EYA4: variants seen among roughly 807,000 people sequenced by gnomAD.
EYA4 encodes protein phosphatase EYA4.
Under a neutral mutation model 87.9 loss-of-function variants are expected in EYA4, and 31 were observed. The ratio of observed to expected loss-of-function variants is 0.35; its 90% CI spans 0.27 to 0.48. The LOEUF (loss-of-function observed/expected upper bound fraction) is 0.48, where lower values mean the gene tolerates loss of function less well. EYA4 is among the 20% of genes least tolerant of loss of function. EYA4 has a pLI of 0.99. For synonymous variants in EYA4, 263 were observed against 270.6 expected, an observed-to-expected ratio of 0.97 and a Z score of 0.28; for missense variants, 678 against 761.4, an observed-to-expected ratio of 0.89 and a Z score of 1.29.
chr6:133,380,736 T>G (rs754289570), intron 2 of EYA4, among the ~76,000 whole-genome samples: 5 of 152,154 alleles, frequency 3.3e-5, no homozygotes, highest in Non-Finnish European at 5.9e-5. Context: ...TTAATGGACA[T>G]AAGACTTGTG....
chr6:133,490,212 C>A (rs1331818553), intron 13 of EYA4, among the ~76,000 whole-genome samples: 1 of 151,678 alleles, frequency 6.6e-6, no homozygotes, highest in African/African-American at 2.4e-5. Context: ...AACATACCAA[C>A]AAATAAGTCA....
At chr6:133,367,829 T>C (rs1583077624) in intron 2 of EYA4, among the ~76,000 whole-genome samples, 1 of 152,218 alleles carries the variant, frequency 6.6e-6, no homozygotes, top group East Asian at 1.9e-4. Flanking sequence ...GAATGATTGC[T>C]ATGTGCTTGG....
chr6:133,292,270 T>C (rs211437), intron 2 of EYA4, among the ~76,000 whole-genome samples: 6,028 of 152,300 alleles, frequency 0.04, 190 homozygotes, highest in Non-Finnish European at 0.06. Context: ...TGCATACTTA[T>C]TTTAGAATGT....
rs2128817707 is a variant in EYA4, at chr6:133,525,271, A to G, written c.1839+17A>G. 2 of 1,598,334 alleles carry G rather than the reference A, an allele frequency of 1.3e-6. No homozygotes were observed. Among genetic ancestry groups the G allele is most frequent in the South Asian group, 1.1e-5 (1 of 90,734 alleles). ...GCAAAAAAGGTAACCTGTCTCAAAC[A>G]ATGTCGGTGTGATACTTCTAATGCA... On this transcript the variant is annotated intron_variant, in intron 19 of 19. Transcript: ENST00000355286.
intron 3 of EYA4, among the ~76,000 whole-genome samples, chr6:133,444,265 A>G (rs761942742): frequency 5.9e-5 from 9 of 151,536 alleles, no homozygotes; most frequent in Non-Finnish European, 1.3e-4. Context: ...GTTTTTCATC[A>G]TTTTCCAATT....
chr6:133,519,283 A>T (rs1314468691), intron 17 of EYA4, among the ~76,000 whole-genome samples: 2 of 151,820 alleles, frequency 1.3e-5, no homozygotes, highest in Non-Finnish European at 2.9e-5. Context: ...GAGAAGAATC[A>T]AATAGACGCA....
intron 3 of EYA4, among the ~76,000 whole-genome samples, chr6:133,386,597 A>G (rs919571558): frequency 6.6e-6 from 1 of 152,194 alleles, no homozygotes; most frequent in Non-Finnish European, 1.5e-5. Flanking sequence ...GATCAAAGAC[A>G]TAGGAAGGAA....
At position 133,472,520 on chromosome 6, in the gene EYA4, G is replaced by C. The variant is rs896511256; in HGVS notation, c.970+3789G>C. On this transcript the variant is annotated intron_variant, in intron 11 of 19. Transcript: ENST00000355286. The stretch of plus-strand genomic sequence containing the variant: ...AGGAGAGCTTTACTTCCAAGTATGT[G>C]GTCAATTTTGGAATAGGTGTGGTGT... 8.3e-5 allele frequency among the ~76,000 whole-genome samples: 6 copies of C among 72,338 alleles called. No individual in the cohort carries two copies. The Admixed American group carries it at 1.0e-3, about 12-fold the overall frequency. 47.5% of individuals were successfully genotyped at this position (72,338 alleles called of 152,430 possible).
intron 10 of EYA4, among the ~76,000 whole-genome samples, chr6:133,467,005 T>C (rs1192369649): frequency 6.6e-6 from 1 of 151,922 alleles, no homozygotes; most frequent in African/African-American, 2.4e-5. Flanking sequence ...TTGGAGAAAG[T>C]CAGAAATGGA....
intron 2 of EYA4, among the ~76,000 whole-genome samples, chr6:133,360,920 G>C (rs7749769): frequency 0.043 from 6,499 of 152,298 alleles, 231 homozygotes; most frequent in East Asian, 0.2. Context: ...TGCTTTGAGA[G>C]TTAGAATTGT....
intron 2 of EYA4, among the ~76,000 whole-genome samples, chr6:133,284,467 C>A (rs1288967933): frequency 6.6e-6 from 1 of 152,170 alleles, no homozygotes; most frequent in South Asian, 2.1e-4. Context: ...AGCCACCGCA[C>A]CTGACCCTAT....
At chr6:133,264,454 A>T (rs746488957) in intron 1 of EYA4, among the ~76,000 whole-genome samples, 15 of 152,242 alleles carry the variant, frequency 9.9e-5, no homozygotes, top group Admixed American at 2.0e-4. Flanking sequence ...GCAGGACTGG[A>T]GGGAAGGAGA....
At chr6:133,378,100 A>C (rs73559664) in intron 2 of EYA4, among the ~76,000 whole-genome samples, 6,099 of 152,170 alleles carry the variant, frequency 0.04, 404 homozygotes, top group African/African-American at 0.14. Context: ...TGTATACATT[A>C]AATAGGTGTA....
intron 1 of EYA4, chr6:133,248,738 C>T (rs745437575): frequency 6.6e-6 from 1 of 152,138 alleles, no homozygotes; most frequent in Non-Finnish European, 1.5e-5. Context: ...AATTTAATGA[C>T]GTTGTAGGTG....
At chr6:133,307,414 C>T (rs987563572) in intron 2 of EYA4, among the ~76,000 whole-genome samples, 1 of 152,106 alleles carries the variant, frequency 6.6e-6, no homozygotes, top group African/African-American at 2.4e-5. Flanking sequence ...TGGGTTTTGA[C>T]AGTTTGAAAG....
chr6:133,303,887 TTTAATA>T (rs1779605128), intron 2 of EYA4, among the ~76,000 whole-genome samples: 1 of 152,096 alleles, frequency 6.6e-6, no homozygotes, highest in South Asian at 2.1e-4. Context: ...TGGCACTAAA[TTTAATA>T]TGAGATTATT....
intron 13 of EYA4, among the ~76,000 whole-genome samples, chr6:133,502,043 T>C (rs988411076): frequency 8.6e-4 from 126 of 146,400 alleles, no homozygotes; most frequent in Admixed American, 2.5e-3. Flanking sequence ...CATCTTCCTC[T>C]TCTCTCTCTC....
chr6:133,279,592 T>G (rs935712318), intron 2 of EYA4, among the ~76,000 whole-genome samples: 2 of 152,182 alleles, frequency 1.3e-5, no homozygotes, highest in Admixed American at 6.5e-5. Context: ...TGTATTTATT[T>G]GCCTTCACCA....
chr6:133,525,610 A>T (rs1324081455), intron 19 of EYA4, among the ~76,000 whole-genome samples: 1 of 152,182 alleles, frequency 6.6e-6, no homozygotes, highest in Non-Finnish European at 1.5e-5. Context: ...ACAGATATAG[A>T]TGAGCCAGGG....
Sources: gnomAD v4.1 joint callset for allele counts (sites outside exome capture counted in the v4.1 genomes callset) on GRCh38, gnomAD v4.1.1 for gene constraint, MANE v1.5 for transcripts, NCBI Gene and HGNC (gene_info 2026-07-23, HGNC 2026-07-21) for gene names.